ASAH2: variants seen among roughly 807,000 people sequenced by gnomAD.
ASAH2 encodes the protein N-acylsphingosine amidohydrolase 2.
A neutral mutation model predicts 82.9 loss-of-function variants in ASAH2; 58 were observed. That is an observed-to-expected ratio of 0.70 (90% confidence interval 0.57 to 0.87). The LOEUF (loss-of-function observed/expected upper bound fraction) is 0.87. Ranked by LOEUF, ASAH2 falls within the 40% of genes least tolerant of loss-of-function variation. The pLI, the probability that ASAH2 is intolerant of heterozygous loss-of-function variation, is 0.00. For missense variants in ASAH2, 779 were observed against 834.0 expected, an observed-to-expected ratio of 0.93 and a Z score of 0.81; for synonymous variants, 276 against 289.7, an observed-to-expected ratio of 0.95 and a Z score of 0.48.
chr10:50,238,641 T>C (rs1436821140), intron 4 of ASAH2, among the ~76,000 whole-genome samples: 1 of 152,098 alleles, frequency 6.6e-6, no homozygotes, highest in Non-Finnish European at 1.5e-5. Flanking sequence ...TTCTTAACAA[T>C]TTGCAGCTAA....
At chr10:50,204,505 A>G (rs1210147994) in intron 14 of ASAH2, among the ~76,000 whole-genome samples, 2 of 146,756 alleles carry the variant, frequency 1.4e-5, no homozygotes, top group Non-Finnish European at 3.1e-5. Context: ...CATATCAAGG[A>G]GTTTTAAAAC....
chr10:50,203,686 C>T lies in ASAH2; in HGVS notation c.1626-7G>A. The T allele has an allele frequency of 6.2e-7, 1 of 1,612,126 alleles. No homozygotes were observed. Among genetic ancestry groups the T allele is most frequent in the East Asian group, 2.2e-5 (1 of 44,822 alleles). ...TCTTCGTCCAGACATGGTCCTGAGT[C>T]AAGAAAAAAATTATGTAAACGTTTT... is the stretch of plus-strand genomic sequence containing the variant. On this transcript the variant is annotated splice_region_variant and splice_polypyrimidine_tract_variant and intron_variant, in intron 14 of 20. Transcript: ENST00000682911.
intron 1 of ASAH2, among the ~76,000 whole-genome samples, chr10:50,249,916 C>A (rs754358917): frequency 3.3e-5 from 5 of 151,986 alleles, no homozygotes; most frequent in Admixed American, 6.6e-5. Context: ...GGATTTGTGG[C>A]TAAGATGCTG....
At chr10:50,220,161 G>A (rs1170805479) in intron 7 of ASAH2, among the ~76,000 whole-genome samples, 2 of 152,134 alleles carry the variant, frequency 1.3e-5, no homozygotes, top group Non-Finnish European at 2.9e-5. Flanking sequence ...GATATAATCA[G>A]GGAAGACCGA....
At chr10:50,249,479 T>G (rs1846559768) in intron 1 of ASAH2, among the ~76,000 whole-genome samples, 1 of 152,172 alleles carries the variant, frequency 6.6e-6, no homozygotes, top group Non-Finnish European at 1.5e-5. Flanking sequence ...GTTAAAAATT[T>G]AGTTTTGAAA....
At position 50,194,659 on chromosome 10, in the gene ASAH2, A is replaced by G. The variant is rs1844927959; in HGVS notation, c.2005-1947T>C. Among the ~76,000 whole-genome samples the G allele has an allele frequency of 4.0e-5, 6 of 151,228 alleles. No individual in the cohort carries two copies. In the South Asian group the frequency reaches 1.2e-3, roughly 31 times the overall value. Reference sequence around the variant, plus strand: ...GTACCACACAACCTGACTTCAAAATATACTACAAAGCTATAGTAATCAACA... The same window carrying G: ...GTACCACACAACCTGACTTCAAAATGTACTACAAAGCTATAGTAATCAACA... On this transcript the variant is annotated intron_variant, in intron 18 of 20. Coordinates refer to ENST00000682911, the MANE Select transcript of ASAH2 (RefSeq NM_019893.4).
At position 50,204,894 on chromosome 10, in the gene ASAH2, G is replaced by C; in HGVS notation, c.1592C>G (p.Ser531Cys). 1 of 1,611,902 alleles carries C rather than the reference G, an allele frequency of 6.2e-7. No individual in the cohort carries two copies. Among genetic ancestry groups the C allele is most frequent in the Non-Finnish European group, 8.5e-7 (1 of 1,178,800 alleles). ...CCCGGGGATGGCAGTTATGGCCAAG[G>C]ACCCAAGGGTAATAATCTGAACATC... Reference protein sequence around the residue: ...IVDVQIITLGSLAITAIPGEF... With the variant: ...IVDVQIITLGCLAITAIPGEF... Residue 531 changes from serine to cysteine, a missense_variant, in exon 14 of 21, where the codon TCC becomes TGC. Physicochemically the swap from Ser to Cys is moderately radical, Grantham distance 112. Transcript: ENST00000682911.
chr10:50,240,134 C>T (rs1846259453), intron 4 of ASAH2, among the ~76,000 whole-genome samples: 1 of 152,082 alleles, frequency 6.6e-6, no homozygotes, highest in Non-Finnish European at 1.5e-5. Context: ...GGCTGACTCA[C>T]ATTTAATTTC....
intron 3 of ASAH2, among the ~76,000 whole-genome samples, chr10:50,244,995 T>A (rs2133233742): frequency 7.0e-6 from 1 of 142,534 alleles, no homozygotes; most frequent in East Asian, 2.3e-4. Context: ...CTGCCACTTC[T>A]GCTCATGAAA....
In ASAH2 at chr10:50,218,585, A is replaced by G; in HGVS notation, c.939T>C (p.Leu313=). 1 of 1,613,788 alleles carries G rather than the reference A, an allele frequency of 6.2e-7. No homozygotes were observed. Among genetic ancestry groups the G allele is most frequent in the Non-Finnish European group, 8.5e-7 (1 of 1,179,778 alleles). ...HPVSMNNSNH[L]VNSDNVGYAS... ...CATAGCCCACATTGTCACTGTTTACAAGATGGTTACTGTTGTTCATGCTGA... is the reference window on the plus strand; with the variant it reads ...CATAGCCCACATTGTCACTGTTTACGAGATGGTTACTGTTGTTCATGCTGA... Residue 313 remains leucine, a synonymous_variant, in exon 8 of 21, where the codon CTT becomes CTC. Transcript: ENST00000682911.
At chr10:50,238,914 G>T (rs1044446458) in intron 4 of ASAH2, among the ~76,000 whole-genome samples, 18 of 152,198 alleles carry the variant, frequency 1.2e-4, no homozygotes, top group African/African-American at 4.1e-4. Context: ...TTCTAGCGGG[G>T]AGAAAAAAGA....
chr10:50,235,850 A>C, intron 5 of ASAH2, 38 bp downstream of exon 5: 1 of 1,603,798 alleles, frequency 6.2e-7, no homozygotes, highest in East Asian at 2.2e-5. Flanking sequence ...CCTGTAAGCA[A>C]TGGTAAAGAA....
Position 50,198,926 on chromosome 10 carries a change from C to A in ASAH2, c.1857+125G>T, listed in dbSNP as rs1234614117. On this transcript the variant is annotated intron_variant, in intron 17 of 20. Transcript: ENST00000682911. The stretch of plus-strand genomic sequence containing the variant: ...TATAAAGGTTGTCAAACTGAACACT[C>A]GAAGCTAAGGTTCTCTTTCACTTCC... 8.6e-5 allele frequency: 89 copies of A among 1,030,932 alleles called. No individual in the cohort carries two copies. In the South Asian group the frequency reaches 8.8e-4, roughly 10 times the overall value. The allele number at this position is 1,030,932 out of a possible 1,614,324, so 63.9% of individuals were successfully genotyped here.
intron 3 of ASAH2, among the ~76,000 whole-genome samples, chr10:50,243,728 C>T (rs543459826): frequency 7.9e-5 from 12 of 152,296 alleles, no homozygotes; most frequent in South Asian, 4.1e-4. Flanking sequence ...CTTCTCCTGC[C>T]TTCTAAGGTA....
At chr10:50,205,145 C>A (rs2133202450) in intron 13 of ASAH2, among the ~76,000 whole-genome samples, 190 bp from the exon 14 acceptor site, 1 of 152,126 alleles carries the variant, frequency 6.6e-6, no homozygotes, top group Admixed American at 6.6e-5. Context: ...CTGCAGAAAT[C>A]AATGAAGTTT....
At chr10:50,213,860 A>G (rs1012737096) in intron 9 of ASAH2, among the ~76,000 whole-genome samples, 2 of 152,124 alleles carry the variant, frequency 1.3e-5, no homozygotes, top group Admixed American at 6.6e-5. Flanking sequence ...CATTGGGTGG[A>G]GTTGACTGGG....
chr10:50,196,382 C>T (rs1450039442), intron 18 of ASAH2, among the ~76,000 whole-genome samples: 2 of 151,568 alleles, frequency 1.3e-5, no homozygotes, highest in Non-Finnish European at 2.9e-5. Context: ...TCCCTCCTCC[C>T]CCCAGAAAAA....
Position 50,234,460 on chromosome 10 carries a change from A to G in ASAH2, c.780T>C (p.Tyr260=). 2 of 1,613,066 alleles carry G rather than the reference A, an allele frequency of 1.2e-6. No homozygotes were observed. Among genetic ancestry groups the G allele is most frequent in the Non-Finnish European group, 1.7e-6 (2 of 1,179,264 alleles). The change falls in exon 6 of 21, where the codon TAT becomes TAC. Residue 260 remains tyrosine (Y), a synonymous_variant. Transcript: ENST00000682911. The part of the protein sequence containing the change: ...VDGVQINRSP[Y]SYLQNPQSER... ...CTGACTGCGGATTTTGAAGGTAAGA[A>G]TACGGACTTCTGTTGATCTGCACAC...
rs1564835702 is a variant in ASAH2, at chr10:50,203,672, A to G, written c.1633T>C (p.Ser545Pro). ...ACTGCCTCTCGAAGTCTTCGTCCAG[A>G]CATGGTCCTGAGTCAAGAAAAAAAT... Reference protein sequence around the residue: ...TAIPGEFTTMSGRRLREAVQA... With the variant: ...TAIPGEFTTMPGRRLREAVQA... Residue 545 changes from serine to proline, a missense_variant, in exon 15 of 21, where the codon TCT becomes CCT. Around this residue, in one of 3 missense-constraint regions of ASAH2, gnomAD observed 759 missense variants for 755.2 expected, o/e 1.00. Transcript: ENST00000682911. 5.0e-6 allele frequency: 8 copies of G among 1,612,546 alleles called. No homozygotes were observed. The highest frequency in any genetic ancestry group is 6.8e-6 in the Non-Finnish European group (8 of 1,178,848).
Sources: allele counts gnomAD v4.1 joint callset (sites outside exome capture counted in the v4.1 genomes callset), GRCh38; gene constraint gnomAD v4.1.1; regional missense constraint gnomAD v4.1.1; transcripts MANE v1.5; gene names NCBI Gene and HGNC (gene_info 2026-07-23, HGNC 2026-07-21).